IFT140: variants seen among roughly 807,000 people sequenced by gnomAD.
IFT140 encodes intraflagellar transport 140.
In IFT140, 133 loss-of-function variants were observed where a neutral mutation model predicts 164.6. The observed-to-expected ratio is 0.81, with a 90% CI of 0.70 to 0.93. The LOEUF (loss-of-function observed/expected upper bound fraction) is 0.93, where lower values mean the gene tolerates loss of function less well. Among genes scored for constraint, IFT140 ranks in the 40% least tolerant of loss-of-function variants. The pLI is 0.00. For synonymous variants in IFT140, 860 were observed against 817.3 expected, an observed-to-expected ratio of 1.05 and a Z score of -0.89; for missense variants, 2,045 against 1,972.3, an observed-to-expected ratio of 1.04 and a Z score of -0.70.
intron 19 of IFT140, chr16:1,552,894 C>A (rs2032781754): frequency 1.2e-6 from 1 of 860,242 alleles, no homozygotes. Flanking sequence ...ACCTCGTGAT[C>A]CACCCGCCTC....
At chr16:1,574,828 G>A (rs532538932) in intron 13 of IFT140, among the ~76,000 whole-genome samples, 64 of 152,260 alleles carry the variant, frequency 4.2e-4, no homozygotes, top group Admixed American at 1.4e-3. Flanking sequence ...CGCAGGGCTG[G>A]GGCCCCAAAG....
chr16:1,569,332 C>A (rs1441042944), intron 14 of IFT140, among the ~76,000 whole-genome samples: 1 of 152,032 alleles, frequency 6.6e-6, no homozygotes, highest in African/African-American at 2.4e-5. Flanking sequence ...TATGGGACAC[C>A]TGTCTCTTCT....
chr16:1,604,680 T>C (rs982183241), intron 3 of IFT140, among the ~76,000 whole-genome samples: 5 of 150,852 alleles, frequency 3.3e-5, no homozygotes, highest in Non-Finnish European at 7.4e-5. Flanking sequence ...GCTGCCACAG[T>C]AGGAAGCTGT....
intron 19 of IFT140, among the ~76,000 whole-genome samples, chr16:1,529,847 C>T (rs534001672): frequency 2.0e-5 from 3 of 152,322 alleles, no homozygotes; most frequent in Admixed American, 2.0e-4. Flanking sequence ...CAGAACGCTG[C>T]TGGGCCTCAT....
chr16:1,520,736 C>T lies in IFT140; in HGVS notation c.3526G>A (p.Val1176Met), dbSNP rs764946729. 3.2e-5 allele frequency: 51 copies of T among 1,611,240 alleles called. No individual in the cohort carries two copies. The Admixed American group carries it at 4.7e-4, about 15-fold the overall frequency. Residue 1176 changes from valine (V) to methionine (M), a missense_variant, in exon 27 of 31, where the codon GTG becomes ATG. Val to Met is a conservative substitution (Grantham distance 21). Transcript: ENST00000426508. ...GGCAGGTCCGAGGAGTCCTTGGCCA[C>T]GGTCATCTTTTCCGCCATCTCCTCG... ...ITEEMAEKMTVAKDSSDLPEE... is the reference protein window; with the variant it reads ...ITEEMAEKMTMAKDSSDLPEE...
intron 19 of IFT140, chr16:1,532,145 C>T (rs960102337): frequency 6.6e-6 from 1 of 152,340 alleles, no homozygotes; most frequent in Non-Finnish European, 1.5e-5. Flanking sequence ...GGACATCCCC[C>T]CAGGGCCTTC....
chr16:1,541,591 G>A (rs2050117), intron 19 of IFT140: 143,418 of 722,652 alleles, frequency 0.2, 15,017 homozygotes, highest in South Asian at 0.33. Context: ...CCACGCCAGC[G>A]CCTTCAAGGG....
In IFT140 at chr16:1,571,470, C is replaced by A. The variant is rs2034009145; in HGVS notation, c.1589G>T (p.Cys530Phe). The change falls in exon 14 of 31, where the codon TGT (cysteine) becomes TTT (phenylalanine). Residue 530 changes from cysteine (C) to phenylalanine (F), a missense_variant. By Grantham distance (205) the Cys-to-Phe change is radical (BLOSUM62 -2). Coordinates refer to ENST00000426508, the MANE Select transcript of IFT140 (RefSeq NM_014714.4). The stretch of plus-strand genomic sequence containing the variant: ...TGTCCCTACAACCAGGAAATTCCCA[C>A]AGATGTCCAAGAAGCAGGGATTCCC... ...TEGNPCFLDI[C>F]GNFLVVGTDL... The A allele has an allele frequency of 6.2e-7, 1 of 1,614,046 alleles. No individual in the cohort carries two copies. Among genetic ancestry groups the A allele is most frequent in the African/African-American group, 1.3e-5 (1 of 74,916 alleles).
chr16:1,525,422 G>A, intron 21 of IFT140, 96 bp from the exon 22 acceptor site: 1 of 913,716 alleles, frequency 1.1e-6, no homozygotes, highest in East Asian at 2.4e-5. Flanking sequence ...ACGCATCAGA[G>A]CGGTGGCCCT....
chr16:1,603,216 G>A (rs1287430277), intron 3 of IFT140, among the ~76,000 whole-genome samples: 2 of 152,108 alleles, frequency 1.3e-5, no homozygotes, highest in African/African-American at 2.4e-5. Context: ...GCATTTTAGT[G>A]CGTGGCTGGG....
At position 1,601,028 on chromosome 16, in the gene IFT140, C is replaced by G. The variant is rs575838341; in HGVS notation, c.369+1342G>C. Among the ~76,000 whole-genome samples the G allele has an allele frequency of 3.3e-5, 5 of 152,080 alleles. No homozygotes were observed. The South Asian group carries it at 1.0e-3, about 32-fold the overall frequency. On this transcript the variant is annotated intron_variant, in intron 4 of 30. Coordinates refer to ENST00000426508, the MANE Select transcript of IFT140 (RefSeq NM_014714.4). ...CTGTAATCCCAGCACTTTGGGAGGC[C>G]GAGGCAGGCAGATCTCTTGACGTCA...
chr16:1,541,480 C>T lies in IFT140; in HGVS notation c.2400-14684G>A, dbSNP rs910007270. 2.0e-5 allele frequency: 20 copies of T among 985,296 alleles called. No homozygotes were observed. In the South Asian group the frequency reaches 6.1e-4, roughly 30 times the overall value. The allele number at this position is 985,296 out of a possible 1,614,324, so 61.0% of individuals were successfully genotyped here. A position where few individuals can be genotyped will look rare whatever the true frequency, so the allele number is the denominator to read the frequency against. On this transcript the variant is annotated intron_variant, in intron 19 of 30. Transcript: ENST00000426508. ...CAGCACGCCTGAGGAGCTGGCCCCCCGCGGAGTCTCCGGTCAGGCAGCGCC... is the reference window on the plus strand; with the variant it reads ...CAGCACGCCTGAGGAGCTGGCCCCCTGCGGAGTCTCCGGTCAGGCAGCGCC...
At position 1,541,424 on chromosome 16, in the gene IFT140, G is replaced by A. The variant is rs1485276188; in HGVS notation, c.2400-14628C>T. On this transcript the variant is annotated intron_variant, in intron 19 of 30. Coordinates refer to ENST00000426508, the MANE Select transcript of IFT140 (RefSeq NM_014714.4). ...GGAGGAGGGAACACCACCATGAGCC[G>A]CTTGGGGGTCGGGCAGCTGAGCACG... The A allele has an allele frequency of 9.1e-6, 9 of 985,280 alleles. No individual in the cohort carries two copies. In the South Asian group the frequency reaches 2.3e-4, roughly 26 times the overall value. The allele number at this position is 985,280 out of a possible 1,614,324, so 61.0% of individuals were successfully genotyped here.
intron 26 of IFT140, among the ~76,000 whole-genome samples, chr16:1,523,218 CA>C (rs397855579): frequency 0.3 from 31,115 of 102,944 alleles, 3,335 homozygotes; most frequent in African/African-American, 0.38. Context: ...GACCCTGTCT[CA>C]AAAAAAAAAA....
chr16:1,571,698 TGACGGCTCA>T (rs1274065410), intron 13 of IFT140, among the ~76,000 whole-genome samples, 164 bp from the exon 14 acceptor site: 1 of 152,250 alleles, frequency 6.6e-6, no homozygotes, highest in Non-Finnish European at 1.5e-5. Flanking sequence ...CAGTGTTTAC[TGACGGCTCA>T]GAGTGTGCCC....
At chr16:1,523,799 C>A (rs1395787058) in intron 25 of IFT140, 29 bp downstream of exon 25, 3 of 1,609,104 alleles carry the variant, frequency 1.9e-6, no homozygotes, top group Admixed American at 3.3e-5. Flanking sequence ...TGCCCCTCCC[C>A]CAGGTCCCCA....
intron 15 of IFT140, among the ~76,000 whole-genome samples, chr16:1,567,692 C>T (rs993394272): frequency 6.6e-6 from 1 of 152,232 alleles, no homozygotes; most frequent in Non-Finnish European, 1.5e-5. Flanking sequence ...GAACCCGCAC[C>T]AGCGGAAGGG....
intron 2 of IFT140, among the ~76,000 whole-genome samples, chr16:1,609,348 AGGTTCCCC>A (rs1352127778): frequency 6.6e-6 from 1 of 152,186 alleles, no homozygotes; most frequent in East Asian, 1.9e-4. Flanking sequence ...GGGTTTTTCA[AGGTTCCCC>A]CCGGCTTTGG....
intron 13 of IFT140, among the ~76,000 whole-genome samples, chr16:1,574,589 T>C (rs1257341954): frequency 6.6e-6 from 1 of 152,156 alleles, no homozygotes; most frequent in East Asian, 1.9e-4. Flanking sequence ...CCAAGTAGAC[T>C]GTTTAAATCA....
Sources: gnomAD v4.1 joint callset for allele counts (sites outside exome capture counted in the v4.1 genomes callset) on GRCh38, gnomAD v4.1.1 for gene constraint, MANE v1.5 for transcripts, NCBI Gene and HGNC (gene_info 2026-07-23, HGNC 2026-07-21) for gene names.